Variants in CTNNA3 observed in about 807,000 individuals in gnomAD.
CTNNA3 encodes catenin alpha-3.
CTNNA3 carries 76 observed loss-of-function variants against 95.7 expected under a neutral mutation model. The observed-to-expected ratio is 0.79, with a 90% CI of 0.66 to 0.96. CTNNA3 has a LOEUF of 0.96. Ranked by LOEUF, CTNNA3 falls within the 40% of genes least tolerant of loss-of-function variation. The probability of loss-of-function intolerance (pLI) is 0.00; values close to 1 mark genes in which losing one functional copy is unlikely to be tolerated. For synonymous variants in CTNNA3, 431 were observed against 374.4 expected, an observed-to-expected ratio of 1.15 and a Z score of -1.74; for missense variants, 1,191 against 1,089.8, an observed-to-expected ratio of 1.09 and a Z score of -1.31.
rs181043235 is a variant in CTNNA3 at position 66,089,629 on chromosome 10, C to T, written c.1977+13528G>A. ...TTATAAACACTATATTTTAATAGAA[C>T]AGACCATGTGTTAGGCATCTACTTT... is the stretch of plus-strand genomic sequence containing the variant. On this transcript the variant is annotated intron_variant, in intron 14 of 17. Coordinates refer to ENST00000433211, the MANE Select transcript of CTNNA3 (RefSeq NM_013266.4). Among the ~76,000 whole-genome samples, 267 of 151,912 alleles carry T rather than the reference C, an allele frequency of 1.8e-3. 1 individual carries two copies. Among genetic ancestry groups the T allele is most frequent in the African/African-American group, 5.6e-3 (234 of 41,474 alleles).
At chr10:67,349,561 G>A (rs967862471) in intron 5 of CTNNA3, among the ~76,000 whole-genome samples, 29 of 152,034 alleles carry the variant, frequency 1.9e-4, no homozygotes, top group African/African-American at 6.5e-4. Flanking sequence ...AGAAGAAAAA[G>A]GGAAGTTGAT....
At chr10:67,630,018 C>T (rs569014101) in intron 2 of CTNNA3, among the ~76,000 whole-genome samples, 1 of 152,160 alleles carries the variant, frequency 6.6e-6, no homozygotes, top group Non-Finnish European at 1.5e-5. Flanking sequence ...AATCATCCCC[C>T]AGAGGCAGAG....
At chr10:67,017,958 G>C (rs912270904) in intron 7 of CTNNA3, among the ~76,000 whole-genome samples, 9 of 152,056 alleles carry the variant, frequency 5.9e-5, no homozygotes, top group Admixed American at 2.0e-4. Flanking sequence ...TTTAAGTTGA[G>C]ATGGGGTTTC....
chr10:65,936,216 T>C (rs914502397), intron 17 of CTNNA3, among the ~76,000 whole-genome samples: 7 of 152,098 alleles, frequency 4.6e-5, no homozygotes, highest in Admixed American at 3.3e-4. Flanking sequence ...AAATGTTGAT[T>C]AGGATTCTTT....
intron 5 of CTNNA3, among the ~76,000 whole-genome samples, chr10:67,367,405 C>CAAA (rs368044423): frequency 7.0e-6 from 1 of 142,416 alleles, no homozygotes; most frequent in African/African-American, 2.6e-5. Flanking sequence ...AATAAAAAGT[C>CAAA]AAAAAAAAAA....
intron 7 of CTNNA3, chr10:67,097,758 G>A (rs754011986): frequency 1.9e-6 from 3 of 1,612,440 alleles, no homozygotes; most frequent in Non-Finnish European, 2.5e-6. Context: ...AATCACAACA[G>A]CTGGCCGAAT....
intron 11 of CTNNA3, among the ~76,000 whole-genome samples, chr10:66,464,319 C>A (rs879529039): frequency 2.0e-5 from 3 of 152,114 alleles, no homozygotes; most frequent in African/African-American, 4.8e-5. Flanking sequence ...AGGTTTAATG[C>A]TACTGGATCA....
At chr10:67,430,044 G>C (rs1292203987) in intron 5 of CTNNA3, among the ~76,000 whole-genome samples, 2 of 151,954 alleles carry the variant, frequency 1.3e-5, no homozygotes, top group Non-Finnish European at 2.9e-5. Context: ...GGTGAGAAGA[G>C]TATATTACTT....
At chr10:67,514,696 T>C (rs1481323001) in intron 5 of CTNNA3, among the ~76,000 whole-genome samples, 1 of 150,602 alleles carries the variant, frequency 6.6e-6, no homozygotes, top group Non-Finnish European at 1.5e-5. Flanking sequence ...TTGGTTGGTT[T>C]TGGGTTTTTG....
chr10:66,184,787 T>C (rs899562467), intron 13 of CTNNA3, among the ~76,000 whole-genome samples: 1 of 152,218 alleles, frequency 6.6e-6, no homozygotes, highest in African/African-American at 2.4e-5. Flanking sequence ...CATTATGTAT[T>C]GACTCTCTTC....
At position 66,836,510 on chromosome 10, in the gene CTNNA3, G is replaced by C. The variant is rs78734397; in HGVS notation, c.1048-60986C>G. 5.5e-3 allele frequency among the ~76,000 whole-genome samples: 835 copies of C among 152,222 alleles called. 7 individuals are homozygous for C. Among genetic ancestry groups the C allele is most frequent in the African/African-American group, 0.019 (785 of 41,526 alleles). On this transcript the variant is annotated intron_variant, in intron 7 of 17. Transcript: ENST00000433211. ...TTGGGAATGGTTTCGGCAGCAGACT[G>C]TCCACTAGAAAACGGGATACCATAA... is the stretch of plus-strand genomic sequence containing the variant.
intron 10 of CTNNA3, among the ~76,000 whole-genome samples, chr10:66,615,025 C>A (rs996324387): frequency 6.6e-6 from 1 of 151,904 alleles, no homozygotes; most frequent in African/African-American, 2.4e-5. Context: ...TGTCAAGGTA[C>A]ACCCTATTTT....
chr10:66,436,676 T>C (rs1011884775), intron 11 of CTNNA3, among the ~76,000 whole-genome samples: 1 of 152,058 alleles, frequency 6.6e-6, no homozygotes, highest in South Asian at 2.1e-4. Context: ...AATTGGGGCA[T>C]TTAGTCAATT....
intron 5 of CTNNA3, among the ~76,000 whole-genome samples, chr10:67,518,715 T>C (rs10997690): frequency 0.18 from 27,908 of 151,988 alleles, 3,640 homozygotes; most frequent in East Asian, 0.67. Flanking sequence ...TTTGTTTTAC[T>C]TCACAAAACG....
At chr10:67,263,374 G>A (rs961762384) in intron 5 of CTNNA3, among the ~76,000 whole-genome samples, 1 of 152,152 alleles carries the variant, frequency 6.6e-6, no homozygotes, top group East Asian at 1.9e-4. Flanking sequence ...CGTTCTGAGA[G>A]ATATAAGTCA....
At chr10:67,285,108 C>T (rs1839546218) in intron 5 of CTNNA3, among the ~76,000 whole-genome samples, 1 of 152,138 alleles carries the variant, frequency 6.6e-6, no homozygotes, top group Non-Finnish European at 1.5e-5. Context: ...ATAGAAAGTA[C>T]ACGTTATTAA....
chr10:65,920,647 T>C lies in CTNNA3; in HGVS notation c.2401-30A>G, dbSNP rs550733977. 5 of 1,596,652 alleles carry C rather than the reference T, an allele frequency of 3.1e-6. No individual in the cohort carries two copies. The South Asian group carries it at 5.6e-5, about 18-fold the overall frequency. On this transcript the variant is annotated intron_variant, in intron 17 of 17. Transcript: ENST00000433211. Reference sequence around the variant, plus strand: ...AGGGAAAAAAGAGAAAAAAGAGCTATTATTCCAGGAGGTTTTGTTAATTAT... The same window carrying C: ...AGGGAAAAAAGAGAAAAAAGAGCTACTATTCCAGGAGGTTTTGTTAATTAT...
intron 13 of CTNNA3, among the ~76,000 whole-genome samples, chr10:66,223,551 C>T (rs577582304): frequency 6.6e-6 from 1 of 152,094 alleles, no homozygotes; most frequent in Non-Finnish European, 1.5e-5. Flanking sequence ...TTACAAGATT[C>T]GTTTCTATTT....
At chr10:67,231,436 G>A (rs1469511455) in intron 5 of CTNNA3, among the ~76,000 whole-genome samples, 1 of 152,118 alleles carries the variant, frequency 6.6e-6, no homozygotes, top group Non-Finnish European at 1.5e-5. Flanking sequence ...ACAGGGCCGG[G>A]TACTCCAACA....
Sources: allele counts gnomAD v4.1 joint callset (sites outside exome capture counted in the v4.1 genomes callset), GRCh38; gene constraint gnomAD v4.1.1; transcripts MANE v1.5; gene names NCBI Gene and HGNC (gene_info 2026-07-23, HGNC 2026-07-21).